ACTL8: variants seen among roughly 807,000 people sequenced by gnomAD.
ACTL8 encodes actin-like protein 8.
ACTL8 carries 3 observed loss-of-function variants against 9.3 expected under a neutral mutation model. The observed-to-expected ratio is 0.32, with a 90% CI of 0.15 to 0.83. The LOEUF (loss-of-function observed/expected upper bound fraction) is 0.83, where lower values mean the gene tolerates loss of function less well. ACTL8 is among the 40% of genes least tolerant of loss of function. ACTL8 has a pLI of 0.57. For synonymous variants in ACTL8, 224 were observed against 205.9 expected, an observed-to-expected ratio of 1.09 and a Z score of -0.75; for missense variants, 381 against 492.2, an observed-to-expected ratio of 0.77 and a Z score of 2.14.
chr1:17,800,281 G>A (rs1163203973), intron 1 of ACTL8, among the ~76,000 whole-genome samples: 2 of 152,148 alleles, frequency 1.3e-5, no homozygotes, highest in Non-Finnish European at 2.9e-5. Flanking sequence ...TTCTAAAATA[G>A]TGTATATGTT....
intron 1 of ACTL8, among the ~76,000 whole-genome samples, chr1:17,806,962 G>T (rs562925746): frequency 1.3e-5 from 2 of 152,200 alleles, no homozygotes; most frequent in Non-Finnish European, 2.9e-5. Flanking sequence ...CCTTTTGGGG[G>T]TTCTAGGGAA....
chr1:17,820,451 G>GCTAT (rs1394068982), intron 1 of ACTL8, among the ~76,000 whole-genome samples: 2 of 152,182 alleles, frequency 1.3e-5, no homozygotes, highest in African/African-American at 2.4e-5. Flanking sequence ...TAGGAATAAG[G>GCTAT]CTATCTGGCT....
chr1:17,790,215 C>A lies in ACTL8; in HGVS notation c.-24-32770C>A, dbSNP rs896657649. Among the ~76,000 whole-genome samples, 48 of 152,192 alleles carry A rather than the reference C, an allele frequency of 3.2e-4. 1 individual carries two copies. Among genetic ancestry groups the A allele is most frequent in the Admixed American group, 3.1e-3 (48 of 15,278 alleles). On this transcript the variant is annotated intron_variant, in intron 1 of 2. Coordinates refer to ENST00000375406, the MANE Select transcript of ACTL8 (RefSeq NM_030812.3). ...TTGGAGATGCCAGGAACCACAGGGC[C>A]CCAGTGAGGGAGTCACAGCCCTGGC...
chr1:17,776,699 A>G (rs1217279585), intron 1 of ACTL8, among the ~76,000 whole-genome samples: 3 of 152,178 alleles, frequency 2.0e-5, no homozygotes, highest in Non-Finnish European at 4.4e-5. Context: ...CAGCTTGCTC[A>G]GAAGGGTTTT....
intron 1 of ACTL8, among the ~76,000 whole-genome samples, chr1:17,773,345 G>A (rs1040962867): frequency 5.1e-4 from 77 of 152,318 alleles, no homozygotes; most frequent in African/African-American, 1.9e-3. Context: ...TGTGAGCTTA[G>A]CCAAGCTGTC....
At chr1:17,775,667 G>A (rs2066113752) in intron 1 of ACTL8, among the ~76,000 whole-genome samples, 1 of 152,214 alleles carries the variant, frequency 6.6e-6, no homozygotes, top group Non-Finnish European at 1.5e-5. Context: ...CCTGATCTCA[G>A]CAGAGTTAAA....
At chr1:17,805,233 T>C (rs1323653679) in intron 1 of ACTL8, among the ~76,000 whole-genome samples, 1 of 152,086 alleles carries the variant, frequency 6.6e-6, no homozygotes, top group African/African-American at 2.4e-5. Context: ...CTCACTACTT[T>C]GGGGTCTTGG....
rs773447718 is a variant in ACTL8, at chr1:17,823,359, G to T, written c.348+3G>T. ...CGGACCGAAAGAAGATGCTGGAGGT[G>T]AGGCCTGCCGGGGCCTGCTCCCACT... On this transcript the variant is annotated splice_donor_region_variant and intron_variant, in intron 2 of 2. Transcript: ENST00000375406. This position sits in a 1 kb window ranked among gnomAD's most constrained non-coding sequence, Gnocchi z 5.3. The T allele has an allele frequency of 6.2e-7, 1 of 1,609,890 alleles. No individual in the cohort carries two copies. Among genetic ancestry groups the T allele is most frequent in the Non-Finnish European group, 8.5e-7 (1 of 1,178,126 alleles).
chr1:17,788,382 G>C (rs899870679), intron 1 of ACTL8, among the ~76,000 whole-genome samples: 1 of 152,226 alleles, frequency 6.6e-6, no homozygotes, highest in African/African-American at 2.4e-5. Flanking sequence ...CGGGAGTCAA[G>C]GTGGGCTGCT....
intron 1 of ACTL8, among the ~76,000 whole-genome samples, chr1:17,758,359 G>A (rs747325233): frequency 4.6e-5 from 7 of 152,202 alleles, no homozygotes; most frequent in Non-Finnish European, 8.8e-5. Flanking sequence ...AAATAAGTGG[G>A]CAGCCTACTA....
intron 1 of ACTL8, among the ~76,000 whole-genome samples, chr1:17,769,066 A>T (rs2066065377): frequency 6.6e-6 from 1 of 152,300 alleles, no homozygotes; most frequent in South Asian, 2.1e-4. Flanking sequence ...ACAAAGTCAC[A>T]TAGTGAGTCA....
At chr1:17,769,027 CGG>C (rs998284935) in intron 1 of ACTL8, among the ~76,000 whole-genome samples, 1 of 152,078 alleles carries the variant, frequency 6.6e-6, no homozygotes, top group African/African-American at 2.4e-5. Context: ...GATGAAGAGA[CGG>C]GGGGTCAGAG....
At chr1:17,805,082 C>T (rs2066349270) in intron 1 of ACTL8, among the ~76,000 whole-genome samples, 1 of 152,148 alleles carries the variant, frequency 6.6e-6, no homozygotes, top group East Asian at 1.9e-4. Flanking sequence ...ATGCCCTGCG[C>T]ACCTCACTTC....
intron 1 of ACTL8, 113 bp from the exon 2 acceptor site, chr1:17,822,872 G>A: frequency 1.5e-6 from 1 of 684,564 alleles, no homozygotes; most frequent in Non-Finnish European, 2.4e-6. Context: ...GCTTGGAAGG[G>A]GCAGTGGACA....
chr1:17,755,882 C>G (rs964836031), intron 1 of ACTL8, among the ~76,000 whole-genome samples: 1 of 150,666 alleles, frequency 6.6e-6, no homozygotes, highest in Non-Finnish European at 1.5e-5. Flanking sequence ...GGGGCTCTTT[C>G]TGGAGGTCTC....
chr1:17,818,782 G>A (rs888860989), intron 1 of ACTL8, among the ~76,000 whole-genome samples: 6 of 152,022 alleles, frequency 3.9e-5, no homozygotes, highest in South Asian at 2.1e-4. Context: ...CTTTTTCTCC[G>A]CTGTACTGAT....
In ACTL8 at chr1:17,823,868, C is replaced by T. The variant is rs369735507; in HGVS notation, c.348+512C>T. On this transcript the variant is annotated intron_variant, in intron 2 of 2. Transcript: ENST00000375406. This position sits in a 1 kb window ranked among gnomAD's most constrained non-coding sequence, Gnocchi z 5.3. ...CCACCTGCAGACGGACATGCAGCAA[C>T]CAACGTGCTTGGTGGAAAGGGGGTT... 6.6e-6 allele frequency among the ~76,000 whole-genome samples: 1 copy of T among 152,158 alleles called. No individual in the cohort carries two copies.
At chr1:17,788,683 G>A (rs557941933) in intron 1 of ACTL8, among the ~76,000 whole-genome samples, 1 of 152,354 alleles carries the variant, frequency 6.6e-6, no homozygotes, top group South Asian at 2.1e-4. Context: ...CCTACCTGAG[G>A]AGTCCCACCC....
At position 17,793,372 on chromosome 1, in the gene ACTL8, G is replaced by T. The variant is rs189861685; in HGVS notation, c.-24-29613G>T. 1.6e-4 allele frequency among the ~76,000 whole-genome samples: 24 copies of T among 152,302 alleles called. No individual in the cohort carries two copies. In the East Asian group the frequency reaches 4.6e-3, roughly 29 times the overall value. ...AGCCTGTGCAAAAGGTTTTATCTGC[G>T]CAGCTAGTTAACTGAGGAGTCTTAA... On this transcript the variant is annotated intron_variant, in intron 1 of 2. Coordinates refer to ENST00000375406, the MANE Select transcript of ACTL8 (RefSeq NM_030812.3).
Sources: allele counts gnomAD v4.1 joint callset (sites outside exome capture counted in the v4.1 genomes callset), GRCh38; gene constraint gnomAD v4.1.1; non-coding constraint Gnocchi (gnomAD v3.1); transcripts MANE v1.5; gene names NCBI Gene and HGNC (gene_info 2026-07-23, HGNC 2026-07-21).